The following SND1 variants were observed in gnomAD, a reference collection of about 807,000 sequenced individuals.
The protein encoded by SND1 is staphylococcal nuclease domain-containing protein 1.
Under a neutral mutation model 121.7 loss-of-function variants are expected in SND1, and 38 were observed. That is an observed-to-expected ratio of 0.31 (90% CI 0.24 to 0.41). The LOEUF (loss-of-function observed/expected upper bound fraction) is 0.41. SND1 is among the 10% of genes least tolerant of loss of function. The probability of loss-of-function intolerance (pLI) is 1.00; values close to 1 mark genes in which losing one functional copy is unlikely to be tolerated. For missense variants in SND1, 868 were observed against 1,184.6 expected (o/e 0.73, Z 3.92); for synonymous variants, 401 against 447.4 (o/e 0.90, Z 1.31).
At position 128,084,777 on chromosome 7, in the gene SND1, C is replaced by A; in HGVS notation, c.2164C>A (p.Pro722Thr). The change falls in exon 19 of 24, where the codon CCC (proline) becomes ACC (threonine). Residue 722 changes from proline to threonine, a missense_variant. Around this residue, in one of 2 missense-constraint regions of SND1, gnomAD observed 743 missense variants for 1,071.3 expected, o/e 0.69. Transcript: ENST00000354725. ...ENMRNDIASH[P>T]PVEGSYAPRR... is the part of the protein sequence containing the mutation. ...CATGCGCAATGACATTGCCAGTCAC[C>A]CCCCTGTAGAGGGCTCCTATGCCCC... 2 of 1,610,656 alleles carry A rather than the reference C, an allele frequency of 1.2e-6. No homozygotes were observed. The highest frequency in any genetic ancestry group is 8.5e-7 in the Non-Finnish European group (1 of 1,177,756).
At chr7:127,900,335 A>G (rs770055636) in intron 13 of SND1, among the ~76,000 whole-genome samples, 16 of 152,214 alleles carry the variant, frequency 1.1e-4, no homozygotes, top group South Asian at 2.1e-4. Context: ...TTGAATTGGC[A>G]GTAAGATGGA....
At chr7:127,884,330 A>G (rs1799852729) in intron 12 of SND1, among the ~76,000 whole-genome samples, 1 of 152,036 alleles carries the variant, frequency 6.6e-6, no homozygotes, top group Admixed American at 6.6e-5. Flanking sequence ...TCTATTGAAA[A>G]CCATGTGTGG....
intron 10 of SND1, among the ~76,000 whole-genome samples, chr7:127,769,953 A>G (rs936677664): frequency 6.6e-6 from 1 of 152,140 alleles, no homozygotes; most frequent in South Asian, 2.1e-4. Context: ...GCAGAATTCC[A>G]TAGTAGCACA....
chr7:127,744,578 A>T (rs564326013), intron 10 of SND1, among the ~76,000 whole-genome samples: 2 of 152,292 alleles, frequency 1.3e-5, no homozygotes, highest in East Asian at 3.9e-4. Context: ...TTACATGATG[A>T]TATGCTCATT....
chr7:128,085,163 A>G lies in SND1; in HGVS notation c.2234+316A>G, dbSNP rs984418796. 6.6e-6 allele frequency among the ~76,000 whole-genome samples: 1 copy of G among 152,150 alleles called. No homozygotes were observed. The highest frequency in any genetic ancestry group is 2.4e-5 in the African/African-American group (1 of 41,454). On this transcript the variant is annotated intron_variant, in intron 19 of 23. Transcript: ENST00000354725. The surrounding 1 kb of genome is among the most constrained non-coding windows in gnomAD (Gnocchi z 4.4). ...AGCACACCCCTCACCCCACCCAGGA[A>G]GAATGATGTTACAGGGGGCTGAGGT...
intron 10 of SND1, among the ~76,000 whole-genome samples, chr7:127,758,329 A>G (rs1038328484): frequency 2.0e-5 from 3 of 152,182 alleles, no homozygotes; most frequent in Admixed American, 6.5e-5. Context: ...TTATGTCCTT[A>G]TGTCATTCAC....
At chr7:127,749,542 T>G (rs772805113) in intron 10 of SND1, among the ~76,000 whole-genome samples, 6 of 151,804 alleles carry the variant, frequency 4.0e-5, no homozygotes, top group Admixed American at 2.0e-4. Context: ...AATTAGACAG[T>G]GTACATGGAA....
intron 11 of SND1, among the ~76,000 whole-genome samples, chr7:127,820,810 A>G (rs558931173): frequency 1.3e-5 from 2 of 152,262 alleles, no homozygotes; most frequent in South Asian, 2.1e-4. Context: ...TCCAATGTGT[A>G]TGCTCCATCT....
At chr7:127,959,606 T>C (rs906334264) in intron 15 of SND1, among the ~76,000 whole-genome samples, 1 of 152,200 alleles carries the variant, frequency 6.6e-6, no homozygotes, top group Non-Finnish European at 1.5e-5. Context: ...GGTCAAATGC[T>C]ACTTTCTCAA....
chr7:127,779,459 T>G (rs1797678413), intron 10 of SND1, among the ~76,000 whole-genome samples: 1 of 152,206 alleles, frequency 6.6e-6, no homozygotes, highest in African/African-American at 2.4e-5. Context: ...TTCTCAACTT[T>G]TAAAAAGGAT....
intron 16 of SND1, chr7:128,030,107 C>G (rs753762434): frequency 6.2e-7 from 1 of 1,614,030 alleles, no homozygotes; most frequent in Non-Finnish European, 8.5e-7. Context: ...TGAGCTCCCC[C>G]AAGTCCAGGC....
intron 15 of SND1, 60 bp downstream of exon 15, chr7:127,929,389 C>T: frequency 1.3e-6 from 2 of 1,548,612 alleles, no homozygotes; most frequent in Non-Finnish European, 1.8e-6. Context: ...AAACCACATA[C>T]CCTCCTTTCC....
intron 1 of SND1, among the ~76,000 whole-genome samples, chr7:127,676,077 G>A (rs1322012845): frequency 6.6e-6 from 1 of 152,166 alleles, no homozygotes; most frequent in Non-Finnish European, 1.5e-5. Context: ...GTAAGTCATC[G>A]ATATTTTGGC....
At chr7:127,887,841 T>G in intron 12 of SND1, 61 bp from the exon 13 acceptor site, 1 of 1,104,390 alleles carries the variant, frequency 9.1e-7, no homozygotes, top group South Asian at 1.3e-5. Flanking sequence ...CTGTTATTAT[T>G]TCTGTTGACT....
intron 15 of SND1, among the ~76,000 whole-genome samples, chr7:127,979,449 C>T (rs1193337): frequency 6.6e-6 from 1 of 152,100 alleles, no homozygotes; most frequent in Non-Finnish European, 1.5e-5. Context: ...TTCTGATTGG[C>T]TCTTTTAAAG....
At chr7:127,792,415 G>A (rs999798538) in intron 10 of SND1, among the ~76,000 whole-genome samples, 1 of 152,104 alleles carries the variant, frequency 6.6e-6, no homozygotes, top group Non-Finnish European at 1.5e-5. Flanking sequence ...TACTGTGTCA[G>A]GATCCAGTAA....
At chr7:127,862,900 T>G (rs1799405567) in intron 12 of SND1, among the ~76,000 whole-genome samples, 1 of 152,226 alleles carries the variant, frequency 6.6e-6, no homozygotes, top group South Asian at 2.1e-4. Flanking sequence ...TCTGGACTTG[T>G]GAAGTCAAGC....
intron 16 of SND1, among the ~76,000 whole-genome samples, chr7:128,053,088 G>A (rs187792092): frequency 2.6e-5 from 4 of 152,322 alleles, no homozygotes; most frequent in Admixed American, 2.0e-4. Flanking sequence ...GTGGGGAAGG[G>A]TCTCTTTAGA....
At position 127,701,177 on chromosome 7, in the gene SND1, G is replaced by A. The variant is rs372972478; in HGVS notation, c.443G>A (p.Arg148Gln). Residue 148 changes from arginine (R) to glutamine (Q), a missense_variant, in exon 5 of 24, where the codon CGG becomes CAG. By Grantham distance (43) the Arg-to-Gln change is conservative. Transcript: ENST00000354725. ...TTATGTCCCAGTCCTGAGCAGAACC[G>A]GCTTTCAGAATGTGAAGAACAAGCA... ...GMRANNPEQN[R>Q]LSECEEQAKA... 5.3e-5 allele frequency: 86 copies of A among 1,613,816 alleles called. No individual in the cohort carries two copies. Among genetic ancestry groups the A allele is most frequent in the Non-Finnish European group, 6.9e-5 (81 of 1,179,928 alleles).
Sources: allele counts gnomAD v4.1 joint callset (sites outside exome capture counted in the v4.1 genomes callset), GRCh38; gene constraint gnomAD v4.1.1; regional missense constraint gnomAD v4.1.1; non-coding constraint Gnocchi (gnomAD v3.1); transcripts MANE v1.5; gene names NCBI Gene and HGNC (gene_info 2026-07-23, HGNC 2026-07-21).